Variants in OPHN1 observed in about 807,000 individuals in gnomAD.
The protein encoded by OPHN1 is oligophrenin 1, also known as oligophrenin-1.
OPHN1 carries 11 observed loss-of-function variants against 60.7 expected under a neutral mutation model. That is an observed-to-expected ratio of 0.18 (90% CI 0.11 to 0.30). OPHN1 has a LOEUF of 0.30. Ranked by LOEUF, OPHN1 falls within the 10% of genes least tolerant of loss-of-function variation. OPHN1 has a pLI of 1.00. For missense variants in OPHN1, 449 were observed against 611.0 expected, an observed-to-expected ratio of 0.73 and a Z score of 2.80; for synonymous variants, 226 against 222.6, an observed-to-expected ratio of 1.02 and a Z score of -0.14.
intron 2 of OPHN1, among the ~76,000 whole-genome samples, chrX:68,366,710 A>C (rs1262070984): frequency 8.9e-6 from 1 of 111,902 alleles, no homozygotes; most frequent in Non-Finnish European, 1.9e-5. Context: ...TATCAATGGC[A>C]TGCCACATGC....
chrX:68,284,979 A>G (rs1468030210), intron 3 of OPHN1, among the ~76,000 whole-genome samples: 1 of 112,117 alleles, frequency 8.9e-6, no homozygotes, highest in African/African-American at 3.2e-5. Context: ...TTTTGAACCC[A>G]TATTGTTTGA....
At chrX:68,217,997 T>G (rs1397791365) in intron 6 of OPHN1, among the ~76,000 whole-genome samples, 2 of 93,514 alleles carry the variant, frequency 2.1e-5, no homozygotes, top group Non-Finnish European at 4.4e-5. Flanking sequence ...CAGGAGGACA[T>G]TCAAACCAAA....
intron 2 of OPHN1, among the ~76,000 whole-genome samples, chrX:68,317,372 A>G (rs183070244): frequency 3.2e-3 from 200 of 63,378 alleles, no homozygotes; most frequent in African/African-American, 0.016. Context: ...AGAAAGAAAG[A>G]AAGAAAGGAA....
chrX:68,063,855 C>A lies in OPHN1; in HGVS notation c.2157G>T (p.Glu719Asp). 8.6e-7 allele frequency: 1 copy of A among 1,160,702 alleles called. No homozygotes were observed. Among genetic ancestry groups the A allele is most frequent in the South Asian group, 2.0e-5 (1 of 50,557 alleles). ...PAPRPLAHHK[E>D]GDADSFSKVR... ...CCCATGGGATTCCCAAGCACTTACC[C>A]TCCTTGTGGTGGGCCAGGGGCCGGG... is the stretch of plus-strand genomic sequence containing the variant. Residue 719 changes from glutamate (E) to aspartate (D), a missense_variant and splice_region_variant, in exon 21 of 25, where the codon GAG becomes GAT. Coordinates refer to ENST00000355520, the MANE Select transcript of OPHN1 (RefSeq NM_002547.3).
intron 2 of OPHN1, among the ~76,000 whole-genome samples, chrX:68,348,844 T>C (rs7060480): frequency 0.094 from 10,405 of 110,845 alleles, 1,197 homozygotes; most frequent in African/African-American, 0.33. Context: ...GAGGAGGAAA[T>C]TCCAGGCAGA....
intron 2 of OPHN1, among the ~76,000 whole-genome samples, chrX:68,319,088 A>G (rs1442767289): frequency 9.0e-6 from 1 of 111,719 alleles, no homozygotes; most frequent in Non-Finnish European, 1.9e-5. Flanking sequence ...CCTCCTTTCC[A>G]TACTGCATCT....
In OPHN1 at chrX:68,432,897, C is replaced by G. The variant is rs774236370; in HGVS notation, c.124G>C (p.Asp42His). The change falls in exon 2 of 25, where the codon GAC (aspartate) becomes CAC (histidine). Residue 42 changes from aspartate (D) to histidine (H), a missense_variant. Asp to His is a moderately conservative substitution (Grantham distance 81, BLOSUM62 -1). This residue lies in a region of OPHN1 where 99 missense variants were observed against 155.2 expected (regional missense o/e 0.64). Transcript: ENST00000355520. ...TNKFIKDVIK[D>H]GNALISAMRN... is the part of the protein sequence containing the mutation. ...ATAGCGCTGATAAGCGCGTTGCCGT[C>G]TTTGATTACGTCTTTGATGAATTTG... 1 of 1,212,093 alleles carries G rather than the reference C, an allele frequency of 8.3e-7. No individual in the cohort carries two copies. Among genetic ancestry groups the G allele is most frequent in the Admixed American group, 2.2e-5 (1 of 46,093 alleles).
In OPHN1 at chrX:68,113,949, A is replaced by C. The variant is rs1238961176; in HGVS notation, c.1362-710T>G. On this transcript the variant is annotated intron_variant, in intron 16 of 24. Transcript: ENST00000355520. ...CTGCACATTGTGCACATGTACCCTAAAACTTAAAGTATAATAATAATAAAA... is the reference window on the plus strand; with the variant it reads ...CTGCACATTGTGCACATGTACCCTACAACTTAAAGTATAATAATAATAAAA... Among the ~76,000 whole-genome samples, 29 of 99,590 alleles carry C rather than the reference A, an allele frequency of 2.9e-4. 1 individual carries two copies. In the Admixed American group the frequency reaches 3.1e-3, roughly 11 times the overall value. 86.5% of individuals were successfully genotyped at this position (99,590 alleles called of 115,157 possible).
intron 5 of OPHN1, among the ~76,000 whole-genome samples, chrX:68,238,617 A>C (rs1381524463): frequency 3.6e-5 from 4 of 111,455 alleles, no homozygotes; most frequent in Non-Finnish European, 5.6e-5. Context: ...GATCTTGTGT[A>C]TTTCTTTTGA....
At chrX:68,377,804 C>A (rs1407181897) in intron 2 of OPHN1, among the ~76,000 whole-genome samples, 3 of 111,743 alleles carry the variant, frequency 2.7e-5, no homozygotes, top group South Asian at 3.8e-4. Flanking sequence ...TGTATATGTG[C>A]CACATTTCCT....
intron 2 of OPHN1, among the ~76,000 whole-genome samples, chrX:68,341,703 C>G (rs112181302): frequency 0.081 from 8,778 of 108,998 alleles, 909 homozygotes; most frequent in African/African-American, 0.28. Flanking sequence ...CCAGGCATGG[C>G]GGCACGAGCC....
At chrX:68,391,886 C>A (rs558291265) in intron 2 of OPHN1, among the ~76,000 whole-genome samples, 3 of 111,438 alleles carry the variant, frequency 2.7e-5, no homozygotes, top group South Asian at 7.6e-4. Flanking sequence ...GTTCTCCCCC[C>A]AGAGCCTCGA....
rs537419578 is a variant in OPHN1, at chrX:68,050,202, T to C, written c.2376-1745A>G. Among the ~76,000 whole-genome samples the C allele has an allele frequency of 7.2e-5, 8 of 111,584 alleles. No homozygotes were observed. The South Asian group carries it at 3.0e-3, about 42-fold the overall frequency. On this transcript the variant is annotated intron_variant, in intron 23 of 24. Coordinates refer to ENST00000355520, the MANE Select transcript of OPHN1 (RefSeq NM_002547.3). Reference sequence around the variant, plus strand: ...GGAGGCCTAGATGGAAGGGATGCTTTCCCTATGTGGATGCTGAGTGGGAGG... The same window carrying C: ...GGAGGCCTAGATGGAAGGGATGCTTCCCCTATGTGGATGCTGAGTGGGAGG...
At chrX:68,196,541 G>A (rs1236645040) in intron 12 of OPHN1, among the ~76,000 whole-genome samples, 1 of 111,980 alleles carries the variant, frequency 8.9e-6, no homozygotes, top group African/African-American at 3.3e-5. Flanking sequence ...TATTTAATAT[G>A]CCACTAAGAA....
intron 19 of OPHN1, among the ~76,000 whole-genome samples, chrX:68,084,630 C>T (rs1346046192): frequency 9.1e-6 from 1 of 110,420 alleles, no homozygotes; most frequent in Non-Finnish European, 1.9e-5. Flanking sequence ...CCCTTCCTCA[C>T]AGGTTGTTCT....
At chrX:68,328,387 C>A (rs994956290) in intron 2 of OPHN1, among the ~76,000 whole-genome samples, 2 of 112,331 alleles carry the variant, frequency 1.8e-5, no homozygotes, top group Non-Finnish European at 3.8e-5. Flanking sequence ...CTCGGCCTCC[C>A]GAAGTGCTGG....
chrX:68,141,006 G>A (rs1481603927), intron 15 of OPHN1, among the ~76,000 whole-genome samples: 1 of 111,714 alleles, frequency 9.0e-6, no homozygotes, highest in Non-Finnish European at 1.9e-5. Flanking sequence ...CAAATGGTTT[G>A]TGTGACCTGA....
rs778517131 is a variant in OPHN1, at chrX:68,042,645, G to T, written c.*4527C>A. On this transcript the variant is annotated 3_prime_UTR_variant, in exon 25 of 25. Coordinates refer to ENST00000355520, the MANE Select transcript of OPHN1 (RefSeq NM_002547.3). ...ATGCTCATCATCACTGGCCATCAGA[G>T]AAATGCAAATCAAAACCACTATGAG... The T allele has an allele frequency of 9.9e-6, 1 of 100,923 alleles. No individual in the cohort carries two copies. Among genetic ancestry groups the T allele is most frequent in the African/African-American group, 3.6e-5 (1 of 27,408 alleles). The allele number at this position is 100,923 out of a possible 1,213,427, so 8.3% of individuals were successfully genotyped here.
intron 5 of OPHN1, among the ~76,000 whole-genome samples, chrX:68,270,812 A>G (rs1226171051): frequency 9.0e-6 from 1 of 111,557 alleles, no homozygotes; most frequent in Non-Finnish European, 1.9e-5. Context: ...TCTTGTTGTC[A>G]TGAGCCATGA....
Sources: allele counts gnomAD v4.1 joint callset (sites outside exome capture counted in the v4.1 genomes callset), GRCh38; gene constraint gnomAD v4.1.1; regional missense constraint gnomAD v4.1.1; transcripts MANE v1.5; gene names NCBI Gene and HGNC (gene_info 2026-07-23, HGNC 2026-07-21).